Variants in VWDE observed in about 807,000 individuals in gnomAD.
The protein encoded by VWDE is von Willebrand factor D and EGF domains, also known as von Willebrand factor D and EGF domain-containing protein.
Under a neutral mutation model 178.4 loss-of-function variants are expected in VWDE, and 207 were observed. The observed-to-expected ratio is 1.16, with a 90% CI of 1.04 to 1.30. VWDE has a LOEUF of 1.30. Ranked by LOEUF, VWDE falls within the 50% of genes most tolerant of loss-of-function variation. The probability of loss-of-function intolerance (pLI) is 0.00; values close to 1 mark genes in which losing one functional copy is unlikely to be tolerated. For synonymous variants in VWDE, 738 were observed against 651.4 expected (o/e 1.13, Z -2.02); for missense variants, 2,287 against 1,901.3 (o/e 1.20, Z -3.77).
rs1400658312 is a variant in VWDE, at chr7:12,337,242, C to G, written c.4397G>C (p.Gly1466Ala). ...GCACACATTATTTCTCATGCAGTGG[C>G]CACCATTCTTACAGGGAGGGTGACA... Reference protein sequence around the residue: ...AFCHPPCKNGGHCMRNNVCVC... With the variant: ...AFCHPPCKNGAHCMRNNVCVC... The change falls in exon 25 of 29, where the codon GGC (glycine) becomes GCC (alanine). Residue 1466 changes from glycine to alanine, a missense_variant. Gly to Ala is a moderately conservative substitution (Grantham distance 60). Transcript: ENST00000275358. The G allele has an allele frequency of 1.9e-6, 3 of 1,551,810 alleles. No homozygotes were observed. The Admixed American group carries it at 5.9e-5, about 30-fold the overall frequency.
intron 4 of VWDE, among the ~76,000 whole-genome samples, chr7:12,381,625 G>T (rs1202165196): frequency 6.6e-6 from 1 of 151,890 alleles, no homozygotes; most frequent in African/African-American, 2.4e-5. Context: ...AATGACAAAT[G>T]AATTATTTTC....
chr7:12,364,633 A>G (rs1311727564), intron 13 of VWDE, among the ~76,000 whole-genome samples: 1 of 152,158 alleles, frequency 6.6e-6, no homozygotes, highest in Non-Finnish European at 1.5e-5. Flanking sequence ...GAAACAAGGA[A>G]CAGCTCTTCC....
chr7:12,357,829 G>A (rs1410729774), intron 16 of VWDE, among the ~76,000 whole-genome samples: 1 of 151,984 alleles, frequency 6.6e-6, no homozygotes, highest in Non-Finnish European at 1.5e-5. Context: ...TTACTTCTTG[G>A]TGTTGACTGC....
At chr7:12,383,416 C>G in intron 4 of VWDE, 120 bp downstream of exon 4, 1 of 794,584 alleles carries the variant, frequency 1.3e-6, no homozygotes, top group Non-Finnish European at 2.0e-6. Flanking sequence ...TGATAGCTAC[C>G]AGACTTTGGT....
intron 18 of VWDE, among the ~76,000 whole-genome samples, chr7:12,351,919 C>T (rs939568465): frequency 1.3e-5 from 2 of 152,156 alleles, no homozygotes; most frequent in African/African-American, 2.4e-5. Flanking sequence ...AATCCCTACT[C>T]CTACATGTGA....
intron 23 of VWDE, among the ~76,000 whole-genome samples, chr7:12,340,803 G>C (rs754942698): frequency 4.6e-5 from 7 of 152,208 alleles, no homozygotes; most frequent in Non-Finnish European, 8.8e-5. Context: ...CAATTCAACA[G>C]TGTTAACAGG....
intron 3 of VWDE, among the ~76,000 whole-genome samples, chr7:12,385,519 C>T (rs1444408713): frequency 6.6e-6 from 1 of 152,130 alleles, no homozygotes; most frequent in Non-Finnish European, 1.5e-5. Context: ...GATAAAGAGG[C>T]TAAAACTGGA....
chr7:12,344,181 A>T lies in VWDE; in HGVS notation c.4078+14T>A. The T allele has an allele frequency of 6.5e-7, 1 of 1,548,860 alleles. No homozygotes were observed. The highest frequency in any genetic ancestry group is 1.2e-5 in the South Asian group (1 of 83,804). ...TTTTAGGCCTTATATTTGATTTTTA[A>T]TTTGAATTATCACCTTCATCACAGG... On this transcript the variant is annotated intron_variant, in intron 21 of 28. Coordinates refer to ENST00000275358, the MANE Select transcript of VWDE (RefSeq NM_001135924.3).
intron 1 of VWDE, among the ~76,000 whole-genome samples, chr7:12,399,205 C>A (rs929231987): frequency 1.3e-5 from 2 of 152,086 alleles, no homozygotes; most frequent in Non-Finnish European, 1.5e-5. Flanking sequence ...CTTCTGCACA[C>A]AATTAGATTG....
At chr7:12,346,966 T>G (rs754216231) in intron 19 of VWDE, among the ~76,000 whole-genome samples, 4 of 151,952 alleles carry the variant, frequency 2.6e-5, no homozygotes, top group African/African-American at 4.8e-5. Context: ...ACAAGTGCAA[T>G]GAAAGATTTT....
chr7:12,370,399 T>C lies in VWDE; in HGVS notation c.1907A>G (p.Glu636Gly). ...TGATCGAGAAACACTGTCCAGATCT[T>C]CGGAAGACGGATACGCTGCAGTGTC... is the stretch of plus-strand genomic sequence containing the variant. The part of the protein sequence containing the change: ...SLDTAAYPSS[E>G]DLDSVSRSEI... Residue 636 changes from glutamate (E) to glycine (G), a missense_variant, in exon 12 of 29, where the codon GAA becomes GGA. Physicochemically the swap from Glu to Gly is moderately conservative, Grantham distance 98 (BLOSUM62 -2). Coordinates refer to ENST00000275358, the MANE Select transcript of VWDE (RefSeq NM_001135924.3). The C allele has an allele frequency of 6.5e-7, 1 of 1,549,318 alleles. No homozygotes were observed. Among genetic ancestry groups the C allele is most frequent in the Non-Finnish European group, 8.7e-7 (1 of 1,146,798 alleles).
At position 12,361,664 on chromosome 7, in the gene VWDE, G is replaced by T. The variant is rs575530169; in HGVS notation, c.2899-143C>A. 38 of 721,788 alleles carry T rather than the reference G, an allele frequency of 5.3e-5. No homozygotes were observed. The African/African-American group carries it at 6.6e-4, about 13-fold the overall frequency. 44.7% of individuals were successfully genotyped at this position (721,788 alleles called of 1,614,324 possible). ...TAACAGGGAAACAAAAGTCACATTG[G>T]GAGTGAGTTTTATTCAGAATAACGA... On this transcript the variant is annotated intron_variant, in intron 13 of 28. Coordinates refer to ENST00000275358, the MANE Select transcript of VWDE (RefSeq NM_001135924.3).
chr7:12,357,237 G>A (rs1203424390), intron 17 of VWDE, 28 bp downstream of exon 17: 2 of 1,542,576 alleles, frequency 1.3e-6, no homozygotes, highest in Non-Finnish European at 1.8e-6. Context: ...AAAGAATCCA[G>A]TGGCACTTAT....
rs984353315 is a variant in VWDE, at chr7:12,356,289, A to T, written c.3567T>A (p.Cys1189Ter). 4.5e-6 allele frequency: 7 copies of T among 1,551,658 alleles called. No homozygotes were observed. The highest frequency in any genetic ancestry group is 5.2e-6 in the Non-Finnish European group (6 of 1,146,992). ...CTGGAGAAAAGTTCCTATCAGATACACATGATCCACCATTCAAGCAATCAC... is the reference window on the plus strand; with the variant it reads ...CTGGAGAAAAGTTCCTATCAGATACTCATGATCCACCATTCAAGCAATCAC... The part of the protein sequence containing the change: ...KSCDCLNGGS[C>*]VSDRNFSPGS... The change falls in exon 18 of 29, where the codon TGT becomes TGA. Residue 1189 changes from cysteine (C) to a stop codon, truncating the protein, a stop_gained. Transcript: ENST00000275358. LOFTEE classifies it high-confidence loss of function.
chr7:12,393,857 CCAAAA>C, intron 1 of VWDE, 79 bp from the exon 2 acceptor site: 1 of 1,257,926 alleles, frequency 7.9e-7, no homozygotes, highest in Admixed American at 3.0e-5. Context: ...AAATTGATTC[CCAAAA>C]CAAAAAATAA....
intron 3 of VWDE, among the ~76,000 whole-genome samples, chr7:12,384,281 T>C (rs1478822635): frequency 2.6e-5 from 4 of 152,130 alleles, no homozygotes. Context: ...TCCAACTATA[T>C]GAAATCTAGG....
At chr7:12,396,147 G>C (rs1784612082) in intron 1 of VWDE, among the ~76,000 whole-genome samples, 1 of 152,056 alleles carries the variant, frequency 6.6e-6, no homozygotes, top group Non-Finnish European at 1.5e-5. Context: ...CACAGTGATA[G>C]CATATGCAAA....
At chr7:12,398,415 C>T (rs1358111959) in intron 1 of VWDE, among the ~76,000 whole-genome samples, 1 of 152,142 alleles carries the variant, frequency 6.6e-6, no homozygotes, top group Non-Finnish European at 1.5e-5. Flanking sequence ...CAAACCCCTA[C>T]CCATCATGAT....
At chr7:12,352,150 C>T (rs778538587) in intron 18 of VWDE, among the ~76,000 whole-genome samples, 12 of 152,126 alleles carry the variant, frequency 7.9e-5, no homozygotes, top group Non-Finnish European at 1.6e-4. Context: ...GCATTCAGAA[C>T]TGTGAGAAAA....
Sources: gnomAD v4.1 joint callset for allele counts (sites outside exome capture counted in the v4.1 genomes callset) on GRCh38, gnomAD v4.1.1 for gene constraint, MANE v1.5 for transcripts, NCBI Gene and HGNC (gene_info 2026-07-23, HGNC 2026-07-21) for gene names.